Variants in DERL1 observed in about 807,000 individuals in gnomAD.
DERL1 encodes derlin 1.
DERL1 carries 24 observed loss-of-function variants against 41.6 expected under a neutral mutation model. The observed-to-expected ratio is 0.58, with a 90% confidence interval of 0.42 to 0.81. DERL1 has a LOEUF of 0.81. DERL1 is among the 30% of genes least tolerant of loss of function. The pLI is 0.00. For synonymous variants in DERL1, 124 were observed against 112.5 expected, an observed-to-expected ratio of 1.10 and a Z score of -0.65; for missense variants, 260 against 314.3, an observed-to-expected ratio of 0.83 and a Z score of 1.31.
rs994885637 is a variant in DERL1, at chr8:123,021,329, G to C, written c.506+118C>G. The C allele has an allele frequency of 2.3e-5, 20 of 873,834 alleles. No homozygotes were observed. The Middle Eastern group carries it at 1.3e-3, about 58-fold the overall frequency. The allele number at this position is 873,834 out of a possible 1,614,324, so 54.1% of individuals were successfully genotyped here. On this transcript the variant is annotated intron_variant, in intron 6 of 7. Coordinates refer to ENST00000259512, the MANE Select transcript of DERL1 (RefSeq NM_024295.6). ...AAGTGAAATTATTCCATAAATATAG[G>C]GTTCTAATGCGTCAATGTTGAGATT...
intron 6 of DERL1, among the ~76,000 whole-genome samples, 164 bp downstream of exon 6, chr8:123,021,283 G>A (rs1358361729): frequency 6.6e-6 from 1 of 152,146 alleles, no homozygotes; most frequent in Non-Finnish European, 1.5e-5. Context: ...TTAAAGCCCT[G>A]CAATCTAATC....
intron 7 of DERL1, chr8:123,018,413 G>A (rs1471247647): frequency 2.0e-5 from 3 of 152,208 alleles, no homozygotes; most frequent in Admixed American, 2.0e-4. Context: ...TTAGGAATAT[G>A]GCAGCTAGCT....
At chr8:123,030,370 C>T (rs1812796266) in intron 2 of DERL1, 1 of 355,388 alleles carries the variant, frequency 2.8e-6, no homozygotes, top group African/African-American at 2.2e-5. Context: ...CTCTGATCTG[C>T]TACTTTTTGC....
intron 4 of DERL1, among the ~76,000 whole-genome samples, chr8:123,023,486 C>T (rs1463838445): frequency 1.3e-5 from 2 of 151,954 alleles, no homozygotes; most frequent in African/African-American, 2.4e-5. Context: ...ACCCGGGAGG[C>T]GGAGGTTGCA....
intron 6 of DERL1, among the ~76,000 whole-genome samples, chr8:123,020,150 TG>T (rs1365896285): frequency 1.3e-5 from 2 of 152,112 alleles, no homozygotes; most frequent in African/African-American, 4.8e-5. Flanking sequence ...AATATAAAAA[TG>T]GATTGAAATA....
chr8:123,025,251 G>C (rs1280295972), intron 2 of DERL1, among the ~76,000 whole-genome samples: 4 of 152,178 alleles, frequency 2.6e-5, no homozygotes, highest in Non-Finnish European at 5.9e-5. Context: ...CCTGAGTAAG[G>C]TTAATCTATG....
intron 3 of DERL1, among the ~76,000 whole-genome samples, chr8:123,023,963 C>T (rs1019995749): frequency 6.6e-6 from 1 of 152,186 alleles, no homozygotes; most frequent in Non-Finnish European, 1.5e-5. Flanking sequence ...AATTTATATA[C>T]ATATTTTTTT....
chr8:123,022,710 A>G lies in DERL1; in HGVS notation c.427T>C (p.Ser143Pro). The part of the protein sequence containing the change: ...WAQLNRDMIV[S>P]FWFGTRFKAC... Reference sequence around the variant, plus strand: ...TTAAATCGTGTTCCAAACCAAAATGATACAATCATGTCTCTGTTCAGCTGG... The same window carrying G: ...TTAAATCGTGTTCCAAACCAAAATGGTACAATCATGTCTCTGTTCAGCTGG... The change falls in exon 5 of 8, where the codon TCA becomes CCA. Residue 143 changes from serine to proline, a missense_variant. Coordinates refer to ENST00000259512, the MANE Select transcript of DERL1 (RefSeq NM_024295.6). 1 of 1,614,164 alleles carries G rather than the reference A, an allele frequency of 6.2e-7. No individual in the cohort carries two copies. The highest frequency in any genetic ancestry group is 1.3e-5 in the African/African-American group (1 of 75,044).
At chr8:123,030,433 A>C (rs1321899862) in intron 2 of DERL1, 172 bp downstream of exon 2, 2 of 515,568 alleles carry the variant, frequency 3.9e-6, no homozygotes, top group Non-Finnish European at 6.8e-6. Flanking sequence ...GTGAGGATTA[A>C]AAATTGAGTA....
chr8:123,021,032 C>G (rs1238677284), intron 6 of DERL1, among the ~76,000 whole-genome samples: 1 of 151,156 alleles, frequency 6.6e-6, no homozygotes, highest in Non-Finnish European at 1.5e-5. Context: ...ATCTAAGAAT[C>G]TGGATTTCTA....
intron 7 of DERL1, chr8:123,016,500 T>C (rs1814573679): frequency 6.6e-6 from 1 of 152,224 alleles, no homozygotes; most frequent in African/African-American, 2.4e-5. Context: ...CTTGACCTTA[T>C]ACTAGAGCAG....
chr8:123,022,819 G>A (rs1812596196), intron 4 of DERL1, 40 bp from the exon 5 acceptor site: 1 of 1,578,572 alleles, frequency 6.3e-7, no homozygotes, highest in African/African-American at 1.4e-5. Flanking sequence ...GGCTCCAGAG[G>A]CACTTAAAAA....
At chr8:123,023,357 A>T (rs1239845668) in intron 4 of DERL1, among the ~76,000 whole-genome samples, 1 of 152,122 alleles carries the variant, frequency 6.6e-6, no homozygotes, top group Non-Finnish European at 1.5e-5. Flanking sequence ...GGAGTTCAAG[A>T]CCAGCCTGGT....
intron 2 of DERL1, among the ~76,000 whole-genome samples, chr8:123,029,101 C>T (rs1211721684): frequency 1.3e-5 from 2 of 151,910 alleles, no homozygotes; most frequent in East Asian, 3.8e-4. Flanking sequence ...CAAATTAATG[C>T]TCAATTAAGT....
rs930846556 is a variant in DERL1 at position 123,013,478 on chromosome 8, G to C, written c.*1969C>G. The C allele has an allele frequency of 2.6e-5, 4 of 151,684 alleles. No individual in the cohort carries two copies. The highest frequency in any genetic ancestry group is 2.6e-4 in the Admixed American group (4 of 15,238). 9.4% of individuals were successfully genotyped at this position (151,684 alleles called of 1,614,324 possible). A position where few individuals can be genotyped will look rare whatever the true frequency, so the allele number is the denominator to read the frequency against. ...AGAATCCACTGTCATGTTTTGCCTT[G>C]TCAAGTCAAAACTCAAATAGCTTGT... On this transcript the variant is annotated 3_prime_UTR_variant, in exon 8 of 8. Transcript: ENST00000259512.
intron 2 of DERL1, among the ~76,000 whole-genome samples, chr8:123,025,325 G>C (rs1812659075): frequency 1.3e-5 from 2 of 152,192 alleles, no homozygotes; most frequent in Admixed American, 6.5e-5. Context: ...CAGACCCAGA[G>C]AAAGTACAGT....
chr8:123,038,703 G>A (rs1216010508), intron 1 of DERL1, among the ~76,000 whole-genome samples: 1 of 152,172 alleles, frequency 6.6e-6, no homozygotes, highest in African/African-American at 2.4e-5. Context: ...GTTTTGACCA[G>A]GTCCTTCTCA....
intron 2 of DERL1, among the ~76,000 whole-genome samples, chr8:123,028,893 C>T (rs1812761080): frequency 6.6e-6 from 1 of 151,844 alleles, no homozygotes; most frequent in Non-Finnish European, 1.5e-5. Flanking sequence ...ATGGTGAAAC[C>T]CCATCTCTAC....
At position 123,042,180 on chromosome 8, in the gene DERL1, C is replaced by T. The variant is rs1014275953; in HGVS notation, c.-58G>A. ...CCGCCCGACTCCCCGTGCCGACCCC[C>T]TCACGACGCGGCCGGCTCCGCGACT... is the stretch of plus-strand genomic sequence containing the variant. On this transcript the variant is annotated 5_prime_UTR_variant, in exon 1 of 8. Coordinates refer to ENST00000259512, the MANE Select transcript of DERL1 (RefSeq NM_024295.6). 25 of 1,517,128 alleles carry T rather than the reference C, an allele frequency of 1.6e-5. No individual in the cohort carries two copies. The Admixed American group carries it at 4.3e-4, about 26-fold the overall frequency. The allele number at this position is 1,517,128 out of a possible 1,614,324, so 94.0% of individuals were successfully genotyped here. A position where few individuals can be genotyped will look rare whatever the true frequency, so the allele number is the denominator to read the frequency against.
Sources: gnomAD v4.1 joint callset for allele counts (sites outside exome capture counted in the v4.1 genomes callset) on GRCh38, gnomAD v4.1.1 for gene constraint, MANE v1.5 for transcripts, NCBI Gene and HGNC (gene_info 2026-07-23, HGNC 2026-07-21) for gene names.